The following EPHA2 variants were observed in gnomAD, a reference collection of about 807,000 sequenced individuals.
The protein encoded by EPHA2 is EPH receptor A2.
EPHA2 carries 54 observed loss-of-function variants against 104.9 expected under a neutral mutation model. The observed-to-expected ratio is 0.51, with a 90% CI of 0.41 to 0.65. The LOEUF (loss-of-function observed/expected upper bound fraction) is 0.65. EPHA2 is among the 30% of genes least tolerant of loss of function. EPHA2 has a pLI of 0.00. For missense variants in EPHA2, 1,117 were observed against 1,369.5 expected, an observed-to-expected ratio of 0.82 and a Z score of 2.91; for synonymous variants, 560 against 559.1, an observed-to-expected ratio of 1.00 and a Z score of -0.02.
intron 5 of EPHA2, among the ~76,000 whole-genome samples, chr1:16,136,710 AGAAAAGAAG>A (rs1329061386): frequency 1.3e-3 from 116 of 91,472 alleles, no homozygotes; most frequent in Non-Finnish European, 1.7e-3. Context: ...AAGAAGAAGA[AGAAAAGAAG>A]AAGAAGAAGA....
At position 16,135,661 on chromosome 1, in the gene EPHA2, G is replaced by T. The variant is rs1401082138; in HGVS notation, c.1422C>A (p.Arg474=). 7 of 1,613,896 alleles carry T rather than the reference G, an allele frequency of 4.3e-6. No individual in the cohort carries two copies. The highest frequency in any genetic ancestry group is 5.9e-6 in the Non-Finnish European group (7 of 1,179,950). Residue 474 remains arginine (R), a synonymous_variant, in exon 6 of 17, where the codon CGC becomes CGA. Transcript: ENST00000358432. This position sits in a 1 kb window ranked among gnomAD's most constrained non-coding sequence, Gnocchi z 4.3. ...SRVWKYEVTY[R]KKGDSNSYNV... ...CCGCCCCTCTGGGAGTTACCTTCTT[G>T]CGGTAAGTGACCTCGTACTTCCACA...
In EPHA2 at chr1:16,150,804, G is replaced by A; in HGVS notation, c.153+92C>T. On this transcript the variant is annotated intron_variant, in intron 2 of 16. Coordinates refer to ENST00000358432, the MANE Select transcript of EPHA2 (RefSeq NM_004431.5). The surrounding 1 kb of genome is among the most constrained non-coding windows in gnomAD (Gnocchi z 4.8). ...GGCTGAGCTGCTGAATTGAAGCCAG[G>A]CCCCACGCTCCCTGGGCCTCAGTTT... The A allele has an allele frequency of 7.1e-7, 1 of 1,415,100 alleles. No individual in the cohort carries two copies. The highest frequency in any genetic ancestry group is 1.7e-5 in the Admixed American group (1 of 59,074). The allele number at this position is 1,415,100 out of a possible 1,614,324, so 87.7% of individuals were successfully genotyped here.
In EPHA2 at chr1:16,131,132, A is replaced by ACATG. The variant is rs1044010587; in HGVS notation, c.2475+585_2475+588dup. Among the ~76,000 whole-genome samples, 10 of 152,152 alleles carry ACATG rather than the reference A, an allele frequency of 6.6e-5. No individual in the cohort carries two copies. The highest frequency in any genetic ancestry group is 1.5e-4 in the Non-Finnish European group (10 of 68,026). ...GCACCAAGCACACAGACACACACAC[A>ACATG]CATGCATGCATGCACATGTGCACAC... On this transcript the variant is annotated intron_variant, in intron 14 of 16. Transcript: ENST00000358432. The surrounding 1 kb of genome is among the most constrained non-coding windows in gnomAD (Gnocchi z 5.2).
rs929118509 is a variant in EPHA2 at position 16,148,065 on chromosome 1, G to A, written c.823+313C>T. On this transcript the variant is annotated intron_variant, in intron 3 of 16. Transcript: ENST00000358432. This position sits in a 1 kb window ranked among gnomAD's most constrained non-coding sequence, Gnocchi z 4.9. Reference sequence around the variant, plus strand: ...TAATTTTTGTGTTTTTGGTAGAGACGGCGTTTCATTATGTTGCCCAGGCTG... The same window carrying A: ...TAATTTTTGTGTTTTTGGTAGAGACAGCGTTTCATTATGTTGCCCAGGCTG... Among the ~76,000 whole-genome samples the A allele has an allele frequency of 7.2e-5, 11 of 151,878 alleles. No homozygotes were observed. The highest frequency in any genetic ancestry group is 3.9e-4 in the East Asian group (2 of 5,188).
chr1:16,129,424 C>A lies in EPHA2; in HGVS notation c.2825+10G>T, dbSNP rs745769162. ...GGAGGCGAGGGGGGACGGAAAGGGG[C>A]CTGACTTACTCGTTGGTCATCTGCA... On this transcript the variant is annotated intron_variant, in intron 16 of 16. Transcript: ENST00000358432. 1.7e-5 allele frequency: 28 copies of A among 1,612,068 alleles called. No individual in the cohort carries two copies. Among genetic ancestry groups the A allele is most frequent in the Non-Finnish European group, 2.4e-5 (28 of 1,179,952 alleles).
chr1:16,148,544 A>C lies in EPHA2; in HGVS notation c.657T>G (p.Asp219Glu). ...CGGCCACAGTGGCCAGGGAAGGTGC[A>C]TCAGAGCCGGCGATGGTCTCAGGGA... The part of the protein sequence containing the change: ...AHFPETIAGS[D>E]APSLATVAGT... The change falls in exon 3 of 17, where the codon GAT becomes GAG. Residue 219 changes from aspartate to glutamate, a missense_variant. Asp to Glu is a conservative substitution (Grantham distance 45). This residue lies in a region of EPHA2 where 664 missense variants were observed against 784.8 expected (regional missense o/e 0.85). Coordinates refer to ENST00000358432, the MANE Select transcript of EPHA2 (RefSeq NM_004431.5). The surrounding 1 kb of genome is among the most constrained non-coding windows in gnomAD (Gnocchi z 4.9). The C allele has an allele frequency of 6.2e-7, 1 of 1,613,306 alleles. No homozygotes were observed. The highest frequency in any genetic ancestry group is 1.1e-5 in the South Asian group (1 of 91,086).
At chr1:16,152,669 G>A (rs1258546511) in intron 1 of EPHA2, among the ~76,000 whole-genome samples, 2 of 152,198 alleles carry the variant, frequency 1.3e-5, no homozygotes, top group Non-Finnish European at 2.9e-5. Flanking sequence ...GTTCCTCACA[G>A]TCCTGCAGCC....
chr1:16,133,025 C>T (rs544091459), intron 11 of EPHA2, 155 bp downstream of exon 11: 4 of 1,010,962 alleles, frequency 4.0e-6, no homozygotes, highest in Non-Finnish European at 5.8e-6. Context: ...GAGGTGGGTA[C>T]AGGTATTGGG....
chr1:16,135,105 C>A lies in EPHA2; in HGVS notation c.1513G>T (p.Val505Phe). The change falls in exon 7 of 17, where the codon GTC (valine) becomes TTC (phenylalanine). Residue 505 changes from valine (V) to phenylalanine (F), a missense_variant. Val to Phe is a conservative substitution (Grantham distance 50). Coordinates refer to ENST00000358432, the MANE Select transcript of EPHA2 (RefSeq NM_004431.5). The surrounding 1 kb of genome is among the most constrained non-coding windows in gnomAD (Gnocchi z 4.3). ...DDLAPDTTYLVQVQALTQEGQ... is the reference protein window; with the variant it reads ...DDLAPDTTYLFQVQALTQEGQ... ...TCCTGCGTCAGTGCCTGCACCTGGA[C>A]CAGGTAGGTGGTGTCTGGGGCCAGG... 1 of 1,613,942 alleles carries A rather than the reference C, an allele frequency of 6.2e-7. No individual in the cohort carries two copies. Among genetic ancestry groups the A allele is most frequent in the South Asian group, 1.1e-5 (1 of 91,078 alleles).
At chr1:16,142,260 G>A (rs188160181) in intron 3 of EPHA2, among the ~76,000 whole-genome samples, 20 of 152,324 alleles carry the variant, frequency 1.3e-4, no homozygotes, top group Admixed American at 1.3e-3. Context: ...CTTCATACGT[G>A]TCTGGCACAA....
chr1:16,134,404 G>A lies in EPHA2; in HGVS notation c.1682+64C>T. 6.6e-7 allele frequency: 1 copy of A among 1,526,258 alleles called. No homozygotes were observed. Among genetic ancestry groups the A allele is most frequent in the Non-Finnish European group, 9.1e-7 (1 of 1,104,232 alleles). The allele number at this position is 1,526,258 out of a possible 1,614,324, so 94.5% of individuals were successfully genotyped here. A position where few individuals can be genotyped will look rare whatever the true frequency, so the allele number is the denominator to read the frequency against. On this transcript the variant is annotated intron_variant, in intron 8 of 16. Transcript: ENST00000358432. The surrounding 1 kb of genome is among the most constrained non-coding windows in gnomAD (Gnocchi z 4.5). ...GGCCCCATCGTTCAGATGAGGAAAT[G>A]GAGGTTCCTGCCCCATTTTCCCACC...
chr1:16,135,753 G>A lies in EPHA2; in HGVS notation c.1330C>T (p.Leu444=). 3.7e-6 allele frequency: 6 copies of A among 1,612,928 alleles called. No individual in the cohort carries two copies. The highest frequency in any genetic ancestry group is 5.1e-6 in the Non-Finnish European group (6 of 1,179,778). ...INQTEPPKVR[L]EGRSTTSLSV... ...AGCGAGGTGGTGCTGCGGCCCTCCA[G>A]CCTCACCTTGGGGGGCTCTGGGCAG... is the stretch of plus-strand genomic sequence containing the variant. The change falls in exon 6 of 17, where the codon CTG becomes TTG. Residue 444 remains leucine (L), a synonymous_variant. Transcript: ENST00000358432. The surrounding 1 kb of genome is among the most constrained non-coding windows in gnomAD (Gnocchi z 4.3).
chr1:16,147,318 C>T (rs1015945542), intron 3 of EPHA2, among the ~76,000 whole-genome samples: 3 of 152,144 alleles, frequency 2.0e-5, no homozygotes, highest in African/African-American at 7.2e-5. Context: ...GACATTCAGA[C>T]AAGAAAGGCA....
At position 16,131,269 on chromosome 1, in the gene EPHA2, C is replaced by A. The variant is rs527281129; in HGVS notation, c.2475+452G>T. 6.6e-6 allele frequency among the ~76,000 whole-genome samples: 1 copy of A among 152,140 alleles called. No homozygotes were observed. Among genetic ancestry groups the A allele is most frequent in the South Asian group, 2.1e-4 (1 of 4,830 alleles). On this transcript the variant is annotated intron_variant, in intron 14 of 16. Transcript: ENST00000358432. This position sits in a 1 kb window ranked among gnomAD's most constrained non-coding sequence, Gnocchi z 5.2. ...CTGGAACCCAGCACAAGGCCTGGCA[C>A]GCAGTAGATCCTCAAGAAATATTTA...
rs1236415738 is a variant in EPHA2, at chr1:16,150,502, C to T, written c.153+394G>A. ...GTTTTCCTGTTCCCTGTCTCTTCTT[C>T]ACCCCTCACCTCCTGGGCTGAGACC... On this transcript the variant is annotated intron_variant, in intron 2 of 16. Transcript: ENST00000358432. The surrounding 1 kb of genome is among the most constrained non-coding windows in gnomAD (Gnocchi z 4.8). Among the ~76,000 whole-genome samples the T allele has an allele frequency of 1.3e-5, 2 of 152,214 alleles. No homozygotes were observed. Among genetic ancestry groups the T allele is most frequent in the Non-Finnish European group, 2.9e-5 (2 of 68,030 alleles).
In EPHA2 at chr1:16,135,151, A is replaced by G; in HGVS notation, c.1467T>C (p.Gly489=). Residue 489 remains glycine (G), a synonymous_variant, in exon 7 of 17, where the codon GGT becomes GGC. Coordinates refer to ENST00000358432, the MANE Select transcript of EPHA2 (RefSeq NM_004431.5). This position sits in a 1 kb window ranked among gnomAD's most constrained non-coding sequence, Gnocchi z 4.3. ...SNSYNVRRTE[G]FSVTLDDLAP... ...CCAGGTCGTCCAGGGTCACGGAGAAACCCTCGGTGCGGCGCACATTGTAGC... is the reference window on the plus strand; with the variant it reads ...CCAGGTCGTCCAGGGTCACGGAGAAGCCCTCGGTGCGGCGCACATTGTAGC... 3 of 1,613,742 alleles carry G rather than the reference A, an allele frequency of 1.9e-6. No homozygotes were observed. Among genetic ancestry groups the G allele is most frequent in the Non-Finnish European group, 2.5e-6 (3 of 1,179,966 alleles).
chr1:16,130,477 G>A lies in EPHA2; in HGVS notation c.2476-58C>T. The stretch of plus-strand genomic sequence containing the variant: ...CAGAAAGCCACTGAAACCCTCTGCA[G>A]CCTCCAGCCTATGGAGGTGGGCAGG... On this transcript the variant is annotated intron_variant, in intron 14 of 16. Coordinates refer to ENST00000358432, the MANE Select transcript of EPHA2 (RefSeq NM_004431.5). The surrounding 1 kb of genome is among the most constrained non-coding windows in gnomAD (Gnocchi z 4.5). 6.7e-7 allele frequency: 1 copy of A among 1,488,478 alleles called. No individual in the cohort carries two copies. The highest frequency in any genetic ancestry group is 9.0e-7 in the Non-Finnish European group (1 of 1,112,298). 92.2% of individuals were successfully genotyped at this position (1,488,478 alleles called of 1,614,324 possible). A position where few individuals can be genotyped will look rare whatever the true frequency, so the allele number is the denominator to read the frequency against.
In EPHA2 at chr1:16,148,137, A is replaced by T. The variant is rs1275034527; in HGVS notation, c.823+241T>A. On this transcript the variant is annotated intron_variant, in intron 3 of 16. Transcript: ENST00000358432. The surrounding 1 kb of genome is among the most constrained non-coding windows in gnomAD (Gnocchi z 4.9). ...GTGATCCACCCACCTCAGCCTCCCA[A>T]AGTGCTGGGATTACAGGCATGAGCC... is the stretch of plus-strand genomic sequence containing the variant. 1.3e-5 allele frequency among the ~76,000 whole-genome samples: 2 copies of T among 152,062 alleles called. No individual in the cohort carries two copies. Among genetic ancestry groups the T allele is most frequent in the African/African-American group, 4.8e-5 (2 of 41,414 alleles).
chr1:16,136,333 T>TAAA (rs1414009405), intron 5 of EPHA2, among the ~76,000 whole-genome samples: 5 of 148,162 alleles, frequency 3.4e-5, no homozygotes, highest in Admixed American at 1.3e-4. Flanking sequence ...ATAATAATAA[T>TAAA]AAAAGGCCAG....
Sources: gnomAD v4.1 joint callset for allele counts (sites outside exome capture counted in the v4.1 genomes callset) on GRCh38, gnomAD v4.1.1 for gene constraint, gnomAD v4.1.1 regional missense constraint, Gnocchi (gnomAD v3.1) non-coding constraint, MANE v1.5 for transcripts, NCBI Gene and HGNC (gene_info 2026-07-23, HGNC 2026-07-21) for gene names.